ACP6: variants seen among roughly 807,000 people sequenced by gnomAD.
The protein encoded by ACP6 is acid phosphatase 6, lysophosphatidic, also known as lysophosphatidic acid phosphatase type 6.
ACP6 carries 48 observed loss-of-function variants against 48.1 expected under a neutral mutation model. That is an observed-to-expected ratio of 1.00 (90% CI 0.79 to 1.27). ACP6 has a LOEUF of 1.27. Ranked by LOEUF, ACP6 falls within the 50% of genes most tolerant of loss-of-function variation. ACP6 has a pLI of 0.00. For synonymous variants in ACP6, 172 were observed against 204.2 expected (o/e 0.84, Z 1.34); for missense variants, 485 against 529.1 (o/e 0.92, Z 0.82).
chr1:147,658,880 C>A, intron 4 of ACP6, 80 bp downstream of exon 4: 1 of 1,364,256 alleles, frequency 7.3e-7, no homozygotes, highest in South Asian at 1.4e-5. Context: ...GGAACAGGCA[C>A]CAAGAAAGAG....
chr1:147,631,894 G>GTAAT (rs1553207424), intron 5 of ACP6, among the ~76,000 whole-genome samples: 1 of 152,082 alleles, frequency 6.6e-6, no homozygotes, highest in African/African-American at 2.4e-5. Context: ...GCTTCCTAAT[G>GTAAT]TAATTAGTAT....
At chr1:147,659,983 C>A (rs1553212474) in intron 1 of ACP6, among the ~76,000 whole-genome samples, 1 of 152,148 alleles carries the variant, frequency 6.6e-6, no homozygotes, top group Admixed American at 6.5e-5. Flanking sequence ...AGCCTATGTC[C>A]TGTTATTGCT....
At chr1:147,663,132 G>A (rs587604782) in intron 1 of ACP6, among the ~76,000 whole-genome samples, 1 of 152,044 alleles carries the variant, frequency 6.6e-6, no homozygotes, top group South Asian at 2.1e-4. Context: ...TATGCACTGG[G>A]AAACAAAAAA....
intron 7 of ACP6, chr1:147,650,556 G>A: frequency 4.0e-6 from 1 of 252,808 alleles, no homozygotes; most frequent in South Asian, 1.6e-4. Context: ...GGGAATCAAA[G>A]AACAAAGCTG....
intron 4 of ACP6, among the ~76,000 whole-genome samples, chr1:147,657,668 C>T (rs748979801): frequency 3.1e-4 from 47 of 152,264 alleles, no homozygotes; most frequent in Non-Finnish European, 5.9e-4. Flanking sequence ...ATCCACCCGC[C>T]TCAGCCTCCC....
intron 6 of ACP6, 170 bp from the exon 7 acceptor site, chr1:147,652,719 C>T: frequency 7.4e-7 from 1 of 1,357,214 alleles, no homozygotes; most frequent in African/African-American, 1.5e-5. Flanking sequence ...CTCTAAAGCT[C>T]TTCCAAAGCT....
At position 147,670,499 on chromosome 1, in the gene ACP6, A is replaced by G. The variant is rs1327445481; in HGVS notation, c.-451T>C. ...TAAGCAAGCTCCTACCCACCTCCTC[A>G]CCTACTCAGGGACCCGTCCCAAGTG... On this transcript the variant is annotated 5_prime_UTR_variant, in exon 1 of 10. Transcript: ENST00000583509. 1 of 153,670 alleles carries G rather than the reference A, an allele frequency of 6.5e-6. No individual in the cohort carries two copies. The highest frequency in any genetic ancestry group is 1.4e-5 in the Non-Finnish European group (1 of 69,086). 9.5% of individuals were successfully genotyped at this position (153,670 alleles called of 1,614,324 possible).
chr1:147,663,731 G>C (rs587658908), intron 1 of ACP6, among the ~76,000 whole-genome samples: 14 of 152,170 alleles, frequency 9.2e-5, no homozygotes, highest in African/African-American at 3.4e-4. Flanking sequence ...CTCCAACCTA[G>C]AACCTGCCCA....
chr1:147,645,531 G>T lies in ACP6; in HGVS notation c.*1892C>A, dbSNP rs983008259. On this transcript the variant is annotated 3_prime_UTR_variant, in exon 10 of 10. Coordinates refer to ENST00000583509, the MANE Select transcript of ACP6 (RefSeq NM_016361.5). ...TCAGCAGGAACAAAGTCGAGAAATTGGAGGAAAACCAAGAAAGCATTTGTC... is the reference window on the plus strand; with the variant it reads ...TCAGCAGGAACAAAGTCGAGAAATTTGAGGAAAACCAAGAAAGCATTTGTC... 2 of 152,224 alleles carry T rather than the reference G, an allele frequency of 1.3e-5. No individual in the cohort carries two copies. Among genetic ancestry groups the T allele is most frequent in the African/African-American group, 4.8e-5 (2 of 41,446 alleles). 9.4% of individuals were successfully genotyped at this position (152,224 alleles called of 1,614,324 possible).
Position 147,647,229 on chromosome 1 carries a change from T to G in ACP6, c.*194A>C. 3.2e-6 allele frequency: 2 copies of G among 616,114 alleles called. No homozygotes were observed. Among genetic ancestry groups the G allele is most frequent in the South Asian group, 2.3e-5 (1 of 44,358 alleles). The allele number at this position is 616,114 out of a possible 1,614,324, so 38.2% of individuals were successfully genotyped here. ...AACCAACTCACAAAATAGAGAAATA[T>G]CCTTTTGGTCTCAATATTATACCCC... On this transcript the variant is annotated 3_prime_UTR_variant, in exon 10 of 10. Transcript: ENST00000583509.
chr1:147,663,411 A>G (rs1660643756), intron 1 of ACP6, among the ~76,000 whole-genome samples: 1 of 152,196 alleles, frequency 6.6e-6, no homozygotes, highest in Non-Finnish European at 1.5e-5. Flanking sequence ...ATAAATAATA[A>G]TGCATTGTAT....
chr1:147,669,950 C>G lies in ACP6; in HGVS notation c.99G>C (p.Glu33Asp). The part of the protein sequence containing the change: ...CLHQRRVALA[E>D]LQEADGQCPV... ...GACACTGGCCATCGGCCTCCTGCAG[C>G]TCGGCCAGGGCCACCCGCCGCTGGT... Residue 33 changes from glutamate to aspartate, a missense_variant, in exon 1 of 10, where the codon GAG (glutamate) becomes GAC (aspartate). By Grantham distance (45) the Glu-to-Asp change is conservative. Transcript: ENST00000583509. 6.5e-7 allele frequency: 1 copy of G among 1,549,994 alleles called. No individual in the cohort carries two copies. Among genetic ancestry groups the G allele is most frequent in the Admixed American group, 1.9e-5 (1 of 51,318 alleles).
intron 1 of ACP6, among the ~76,000 whole-genome samples, chr1:147,662,921 C>T (rs1553213044): frequency 6.6e-6 from 1 of 152,188 alleles, no homozygotes; most frequent in Admixed American, 6.5e-5. Flanking sequence ...CCACCCCAAC[C>T]TTTAGCAACT....
intron 5 of ACP6, among the ~76,000 whole-genome samples, chr1:147,635,717 A>G (rs1659280476): frequency 6.6e-6 from 1 of 152,244 alleles, no homozygotes; most frequent in African/African-American, 2.4e-5. Flanking sequence ...ATTCCTCCAC[A>G]TGGAGATGAA....
intron 5 of ACP6, among the ~76,000 whole-genome samples, chr1:147,631,529 G>T (rs1570934689): frequency 6.6e-6 from 1 of 152,276 alleles, no homozygotes; most frequent in African/African-American, 2.4e-5. Context: ...TAAAAAGTAT[G>T]AATTGGCTGG....
At chr1:147,659,550 G>C (rs782170844) in intron 2 of ACP6, 24 bp from the exon 3 acceptor site, 3 of 1,554,992 alleles carry the variant, frequency 1.9e-6, no homozygotes, top group Non-Finnish European at 2.6e-6. Flanking sequence ...GAAAGAGAAA[G>C]AAGAATGAAA....
intron 7 of ACP6, chr1:147,651,336 C>T (rs1659905958): frequency 6.6e-6 from 1 of 152,114 alleles, no homozygotes; most frequent in Non-Finnish European, 1.5e-5. Flanking sequence ...GCAAACTATA[C>T]CATAGGCCAA....
downstream of ACP6, among the ~76,000 whole-genome samples, chr1:147,641,566 G>T (rs1279168619): frequency 6.6e-6 from 1 of 152,192 alleles, no homozygotes; most frequent in Non-Finnish European, 1.5e-5. Context: ...CCATACACGG[G>T]TGAGAGCCTC....
intron 5 of ACP6, among the ~76,000 whole-genome samples, chr1:147,632,499 C>CTATAATG (rs1553207518): frequency 1.3e-5 from 2 of 151,748 alleles, no homozygotes; most frequent in African/African-American, 4.8e-5. Context: ...GGAGGACACA[C>CTATAATG]AGAGAACAAC....
Sources: allele counts gnomAD v4.1 joint callset (sites outside exome capture counted in the v4.1 genomes callset), GRCh38; gene constraint gnomAD v4.1.1; transcripts MANE v1.5; gene names NCBI Gene and HGNC (gene_info 2026-07-23, HGNC 2026-07-21).